PXDNL: variants seen among roughly 807,000 people sequenced by gnomAD.
The protein encoded by PXDNL is probable oxidoreductase PXDNL.
In PXDNL, 145 loss-of-function variants were observed where a neutral mutation model predicts 150.8. The ratio of observed to expected loss-of-function variants is 0.96; its 90% CI spans 0.84 to 1.10. The LOEUF (loss-of-function observed/expected upper bound fraction) is 1.10. Ranked by LOEUF, PXDNL falls within the 50% of genes least tolerant of loss-of-function variation. The pLI is 0.00. For missense variants in PXDNL, 2,087 were observed against 1,873.9 expected (o/e 1.11, Z -2.10); for synonymous variants, 757 against 725.7 (o/e 1.04, Z -0.69).
chr8:51,611,199 G>A (rs1400951338), intron 2 of PXDNL, among the ~76,000 whole-genome samples: 3 of 152,130 alleles, frequency 2.0e-5, no homozygotes, highest in East Asian at 3.9e-4. Flanking sequence ...AGCATGCCAT[G>A]TAATATTTAA....
At chr8:51,696,849 A>ACATC (rs1816157255) in intron 1 of PXDNL, among the ~76,000 whole-genome samples, 1 of 870 alleles carries the variant, frequency 1.1e-3, no homozygotes, top group Non-Finnish European at 2.6e-3. Context: ...AGGTCCTGAC[A>ACATC]CACACACAGG....
At chr8:51,419,118 G>C (rs577893424) in intron 14 of PXDNL, among the ~76,000 whole-genome samples, 2 of 152,264 alleles carry the variant, frequency 1.3e-5, no homozygotes, top group South Asian at 4.2e-4. Context: ...TTTAACATGA[G>C]GAATTGCAAG....
intron 2 of PXDNL, among the ~76,000 whole-genome samples, chr8:51,613,717 A>T (rs1431976192): frequency 6.6e-6 from 1 of 152,058 alleles, no homozygotes; most frequent in Non-Finnish European, 1.5e-5. Context: ...ATTAATCATG[A>T]TATTTACTTT....
At chr8:51,431,550 C>T (rs954271434) in intron 12 of PXDNL, among the ~76,000 whole-genome samples, 10 of 152,130 alleles carry the variant, frequency 6.6e-5, no homozygotes, top group Admixed American at 6.5e-4. Context: ...TGATTCTCTC[C>T]TTCTGGGAAT....
intron 1 of PXDNL, among the ~76,000 whole-genome samples, chr8:51,728,004 GTA>G (rs1816845840): frequency 1.3e-5 from 2 of 152,224 alleles, no homozygotes; most frequent in Non-Finnish European, 2.9e-5. Flanking sequence ...TTTCACATAT[GTA>G]TTCTATTGCT....
At chr8:51,730,015 C>G (rs1313625630) in intron 1 of PXDNL, among the ~76,000 whole-genome samples, 4 of 152,130 alleles carry the variant, frequency 2.6e-5, no homozygotes, top group Non-Finnish European at 5.9e-5. Flanking sequence ...ACTTTTAGGG[C>G]AGGGAAACTA....
intron 3 of PXDNL, among the ~76,000 whole-genome samples, chr8:51,566,977 G>T (rs1257777931): frequency 6.6e-6 from 1 of 151,500 alleles, no homozygotes; most frequent in Non-Finnish European, 1.5e-5. Context: ...CTGATGAGTT[G>T]TATTTTTACT....
At chr8:51,475,234 T>C (rs975941289) in intron 6 of PXDNL, 93 bp from the exon 7 acceptor site, 2 of 1,258,592 alleles carry the variant, frequency 1.6e-6, no homozygotes, top group African/African-American at 3.0e-5. Context: ...TCCCCTGATT[T>C]ACCTTGTCTG....
At chr8:51,376,691 G>C (rs115617157) in intron 17 of PXDNL, among the ~76,000 whole-genome samples, 2 of 150,966 alleles carry the variant, frequency 1.3e-5, no homozygotes, top group Non-Finnish European at 2.9e-5. Flanking sequence ...AGAAGTGAGA[G>C]TTAACATGTT....
At chr8:51,503,529 T>C (rs1442241627) in intron 4 of PXDNL, among the ~76,000 whole-genome samples, 3 of 152,206 alleles carry the variant, frequency 2.0e-5, no homozygotes, top group Non-Finnish European at 4.4e-5. Context: ...CTCCCTTCTG[T>C]GCCTTGATAA....
intron 19 of PXDNL, among the ~76,000 whole-genome samples, chr8:51,356,254 C>T (rs1806503981): frequency 6.6e-6 from 1 of 152,110 alleles, no homozygotes; most frequent in Non-Finnish European, 1.5e-5. Context: ...CTTGGGAGGC[C>T]GAGGAGGGCA....
chr8:51,693,370 T>C (rs537967037), intron 1 of PXDNL, among the ~76,000 whole-genome samples: 21 of 152,360 alleles, frequency 1.4e-4, no homozygotes, highest in Middle Eastern at 3.4e-3. Context: ...ACAAGGTATT[T>C]ATTTCATGAG....
In PXDNL at chr8:51,392,388, A is replaced by AT. The variant is rs1586064822; in HGVS notation, c.3557+15678dup. Among the ~76,000 whole-genome samples, 3 of 152,060 alleles carry AT rather than the reference A, an allele frequency of 2.0e-5. No homozygotes were observed. In the South Asian group the frequency reaches 6.2e-4, roughly 31 times the overall value. On this transcript the variant is annotated intron_variant, in intron 17 of 22. Coordinates refer to ENST00000356297, the MANE Select transcript of PXDNL (RefSeq NM_144651.5). ...ATCCATGAGCATGGAATGTTCTTCC[A>AT]TTTCTTTGTATCCTCTTTTATTTCA... is the stretch of plus-strand genomic sequence containing the variant.
At chr8:51,526,066 G>T (rs1270830287) in intron 4 of PXDNL, among the ~76,000 whole-genome samples, 1 of 152,174 alleles carries the variant, frequency 6.6e-6, no homozygotes, top group Non-Finnish European at 1.5e-5. Context: ...TCACCGAAAT[G>T]AAAATGTCAC....
chr8:51,404,353 G>T (rs1007593694), intron 17 of PXDNL, among the ~76,000 whole-genome samples: 1 of 152,164 alleles, frequency 6.6e-6, no homozygotes, highest in Non-Finnish European at 1.5e-5. Flanking sequence ...TGGTTTGACA[G>T]GGTGCTGATT....
chr8:51,591,561 C>A (rs977339652), intron 3 of PXDNL, among the ~76,000 whole-genome samples: 3 of 139,022 alleles, frequency 2.2e-5, no homozygotes, highest in African/African-American at 7.5e-5. Flanking sequence ...AACTTTTTAG[C>A]AGTATGCTTA....
At chr8:51,730,533 G>T (rs977992543) in intron 1 of PXDNL, among the ~76,000 whole-genome samples, 1 of 152,190 alleles carries the variant, frequency 6.6e-6, no homozygotes, top group African/African-American at 2.4e-5. Flanking sequence ...TGCCATGGAT[G>T]TAGAGATGAT....
intron 2 of PXDNL, among the ~76,000 whole-genome samples, chr8:51,651,960 G>A (rs776067706): frequency 3.2e-4 from 49 of 152,030 alleles, no homozygotes; most frequent in African/African-American, 1.1e-3. Flanking sequence ...TAACATTTCC[G>A]GATTTTTTAT....
rs1805931780 is a variant in PXDNL at position 51,339,630 on chromosome 8, T to C, written c.4140A>G (p.Arg1380=). ...AEIQETITAL[R]EQINKLEARL... ...ATTTGAAGAGAAAACAAACCTGCTC[T>C]CTGAGTGCTGTGATGGTTTCCTGAA... Residue 1380 remains arginine, a synonymous_variant, in exon 21 of 23, where the codon AGA becomes AGG. Coordinates refer to ENST00000356297, the MANE Select transcript of PXDNL (RefSeq NM_144651.5). 1 of 1,612,790 alleles carries C rather than the reference T, an allele frequency of 6.2e-7. No homozygotes were observed. Among genetic ancestry groups the C allele is most frequent in the East Asian group, 2.2e-5 (1 of 44,854 alleles).
Sources: allele counts gnomAD v4.1 joint callset (sites outside exome capture counted in the v4.1 genomes callset), GRCh38; gene constraint gnomAD v4.1.1; transcripts MANE v1.5; gene names NCBI Gene and HGNC (gene_info 2026-07-23, HGNC 2026-07-21).